SLC9A9: variants seen among roughly 807,000 people sequenced by gnomAD.
The protein encoded by SLC9A9 is solute carrier family 9 member A9, also known as sodium/hydrogen exchanger 9.
SLC9A9 carries 62 observed loss-of-function variants against 77.8 expected under a neutral mutation model. That is an observed-to-expected ratio of 0.80 (90% CI 0.65 to 0.98). SLC9A9 has a LOEUF of 0.98. SLC9A9 is among the 50% of genes least tolerant of loss of function. The pLI, the probability that SLC9A9 is intolerant of heterozygous loss-of-function variation, is 0.00. For synonymous variants in SLC9A9, 320 were observed against 283.5 expected, an observed-to-expected ratio of 1.13 and a Z score of -1.29; for missense variants, 775 against 774.9, an observed-to-expected ratio of 1.00 and a Z score of 0.00.
At chr3:143,268,795 G>T in intron 15 of SLC9A9, 80 bp downstream of exon 15, 1 of 954,224 alleles carries the variant, frequency 1.0e-6, no homozygotes, top group Non-Finnish European at 1.6e-6. Context: ...GGCTTTTTGA[G>T]GTTCCTGGGC....
chr3:143,605,936 G>A (rs2037915421), intron 6 of SLC9A9, among the ~76,000 whole-genome samples: 1 of 152,100 alleles, frequency 6.6e-6, no homozygotes, highest in Admixed American at 6.5e-5. Flanking sequence ...ATCCCCAGAG[G>A]TAAGAAACAA....
chr3:143,703,912 T>C (rs1933876366), intron 4 of SLC9A9, among the ~76,000 whole-genome samples: 1 of 152,110 alleles, frequency 6.6e-6, no homozygotes, highest in East Asian at 1.9e-4. Context: ...TTTTAAAGGA[T>C]CATTAGTCGC....
chr3:143,512,554 A>T (rs6805451), intron 9 of SLC9A9, among the ~76,000 whole-genome samples: 3 of 152,216 alleles, frequency 2.0e-5, no homozygotes, highest in Non-Finnish European at 4.4e-5. Context: ...ACTGTAGTCT[A>T]TTAAGTGTAC....
At chr3:143,582,164 A>T (rs1382097334) in intron 6 of SLC9A9, among the ~76,000 whole-genome samples, 1 of 152,178 alleles carries the variant, frequency 6.6e-6, no homozygotes, top group Non-Finnish European at 1.5e-5. Flanking sequence ...TTTTATGGGT[A>T]TCAATCTAAT....
At chr3:143,532,401 A>G (rs987409513) in intron 9 of SLC9A9, among the ~76,000 whole-genome samples, 3 of 152,232 alleles carry the variant, frequency 2.0e-5, no homozygotes, top group Non-Finnish European at 4.4e-5. Flanking sequence ...AGAAGTGTAA[A>G]GAGGTCCTGT....
At chr3:143,443,730 C>A (rs2034792326) in intron 12 of SLC9A9, among the ~76,000 whole-genome samples, 1 of 152,150 alleles carries the variant, frequency 6.6e-6, no homozygotes, top group South Asian at 2.1e-4. Flanking sequence ...AGAACTTATG[C>A]TATCATGTTT....
chr3:143,491,536 T>C (rs547210066), intron 11 of SLC9A9, among the ~76,000 whole-genome samples: 2 of 152,268 alleles, frequency 1.3e-5, no homozygotes, highest in South Asian at 2.1e-4. Flanking sequence ...GGCTTTAGAA[T>C]ATCATAGAAA....
At chr3:143,610,767 T>C (rs1314287685) in intron 6 of SLC9A9, among the ~76,000 whole-genome samples, 2 of 152,200 alleles carry the variant, frequency 1.3e-5, no homozygotes, top group African/African-American at 2.4e-5. Flanking sequence ...AGAGAAATTA[T>C]CTGGAGAAAT....
intron 14 of SLC9A9, among the ~76,000 whole-genome samples, chr3:143,339,772 G>C (rs1401615839): frequency 6.6e-6 from 1 of 152,104 alleles, no homozygotes; most frequent in Non-Finnish European, 1.5e-5. Flanking sequence ...GCTGAGCTTG[G>C]TTGTATTCAG....
chr3:143,617,984 C>T (rs1378922697), intron 6 of SLC9A9, among the ~76,000 whole-genome samples: 1 of 152,140 alleles, frequency 6.6e-6, no homozygotes, highest in Non-Finnish European at 1.5e-5. Flanking sequence ...GCAATGGGAT[C>T]ACTTAAGAGG....
chr3:143,385,326 A>G (rs1450320750), intron 12 of SLC9A9, among the ~76,000 whole-genome samples: 1 of 152,196 alleles, frequency 6.6e-6, no homozygotes, highest in Admixed American at 6.5e-5. Context: ...AATATTATAG[A>G]AAGGCTTACA....
chr3:143,385,200 GTA>G (rs2033396217), intron 12 of SLC9A9, among the ~76,000 whole-genome samples: 1 of 150,940 alleles, frequency 6.6e-6, no homozygotes, highest in South Asian at 2.1e-4. Context: ...TTTCCTGACT[GTA>G]ACAATATGTT....
intron 5 of SLC9A9, among the ~76,000 whole-genome samples, chr3:143,673,063 G>T (rs1327752280): frequency 6.6e-6 from 1 of 152,148 alleles, no homozygotes; most frequent in Non-Finnish European, 1.5e-5. Context: ...GGATAAAGGT[G>T]GCTTTTATTC....
chr3:143,815,360 CAGTT>C (rs571202449), intron 2 of SLC9A9, among the ~76,000 whole-genome samples: 112 of 152,246 alleles, frequency 7.4e-4, no homozygotes, highest in Middle Eastern at 6.8e-3. Flanking sequence ...GTGCCATTGA[CAGTT>C]AGGCCATCAA....
intron 2 of SLC9A9, among the ~76,000 whole-genome samples, chr3:143,799,684 C>T (rs1248852969): frequency 6.6e-6 from 1 of 152,212 alleles, no homozygotes; most frequent in African/African-American, 2.4e-5. Flanking sequence ...CAGCCACTCC[C>T]AGAGCCGCTG....
intron 6 of SLC9A9, 118 bp downstream of exon 6, chr3:143,652,137 T>A: frequency 1.2e-6 from 1 of 817,068 alleles, no homozygotes; most frequent in Non-Finnish European, 2.0e-6. Context: ...TTTTCTGTGA[T>A]AACAATTCCT....
intron 6 of SLC9A9, among the ~76,000 whole-genome samples, chr3:143,606,432 CT>C (rs2037926627): frequency 1.7e-5 from 1 of 58,700 alleles, no homozygotes; most frequent in South Asian, 6.4e-4. Flanking sequence ...CTCTCTCTCT[CT>C]CTCTATATAT....
chr3:143,622,764 A>G (rs1197013334), intron 6 of SLC9A9, among the ~76,000 whole-genome samples: 2 of 152,190 alleles, frequency 1.3e-5, no homozygotes, highest in Non-Finnish European at 2.9e-5. Context: ...CACACATAAC[A>G]ATATTAACCT....
At chr3:143,484,164 G>C (rs146423952) in intron 11 of SLC9A9, among the ~76,000 whole-genome samples, 1 of 152,038 alleles carries the variant, frequency 6.6e-6, no homozygotes, top group African/African-American at 2.4e-5. Flanking sequence ...GGCTACTAAA[G>C]TCATTCTCTT....
Sources: gnomAD v4.1 joint callset for allele counts (sites outside exome capture counted in the v4.1 genomes callset) on GRCh38, gnomAD v4.1.1 for gene constraint, MANE v1.5 for transcripts, NCBI Gene and HGNC (gene_info 2026-07-23, HGNC 2026-07-21) for gene names.